The following ZNF614 variants were observed in gnomAD, a reference collection of about 807,000 sequenced individuals.
ZNF614 encodes the protein zinc finger protein 614.
In ZNF614, 11 loss-of-function variants were observed where a neutral mutation model predicts 12.8. That is an observed-to-expected ratio of 0.86 (90% CI 0.54 to 1.43). ZNF614 has a LOEUF of 1.43. Ranked by LOEUF, ZNF614 falls within the 40% of genes most tolerant of loss-of-function variation. The probability of loss-of-function intolerance (pLI) is 0.00; values close to 1 mark genes in which losing one functional copy is unlikely to be tolerated. For synonymous variants in ZNF614, 237 were observed against 237.5 expected, an observed-to-expected ratio of 1.00 and a Z score of 0.02; for missense variants, 664 against 708.8, an observed-to-expected ratio of 0.94 and a Z score of 0.72.
chr19:52,017,444 C>T (rs2086906590), intron 4 of ZNF614, 85 bp from the exon 5 acceptor site: 1 of 1,311,592 alleles, frequency 7.6e-7, no homozygotes. Context: ...TGGCTCATGC[C>T]TGCAATCCCA....
chr19:52,024,613 C>CCCTAACCCTGTGCT (rs1337588234), intron 2 of ZNF614, among the ~76,000 whole-genome samples: 3 of 152,172 alleles, frequency 2.0e-5, no homozygotes, highest in Non-Finnish European at 4.4e-5. Context: ...GTAACCGTAG[C>CCCTAACCCTGTGCT]CCTAACCCTG....
rs2086891934 is a variant in ZNF614, at chr19:52,015,764, T to C, written c.*76A>G. 3 of 1,339,616 alleles carry C rather than the reference T, an allele frequency of 2.2e-6. No homozygotes were observed. The highest frequency in any genetic ancestry group is 3.1e-6 in the Non-Finnish European group (3 of 971,496). 83.0% of individuals were successfully genotyped at this position (1,339,616 alleles called of 1,614,324 possible). ...TTCCAATTGGCTAGAAACACACTGA[T>C]GTTTAATGAAGTCTGAGTTGCCACA... On this transcript the variant is annotated 3_prime_UTR_variant, in exon 5 of 5. Transcript: ENST00000270649.
intron 4 of ZNF614, 176 bp downstream of exon 4, chr19:52,017,832 C>A (rs1207867990): frequency 1.8e-5 from 9 of 506,314 alleles, no homozygotes; most frequent in Middle Eastern, 5.1e-4. Context: ...AAATCAGATC[C>A]AAGAAAAGAC....
Position 52,022,295 on chromosome 19 carries a change from G to A in ZNF614, c.15+3436C>T, listed in dbSNP as rs943100096. Among the ~76,000 whole-genome samples, 5 of 151,362 alleles carry A rather than the reference G, an allele frequency of 3.3e-5. No homozygotes were observed. In the East Asian group the frequency reaches 5.9e-4, roughly 18 times the overall value. ...TGCCTCCTCTTGAGTTCCTCTGCCC[G>A]GCCGCCCCACTGTCTGGGAAGTGAG... is the stretch of plus-strand genomic sequence containing the variant. On this transcript the variant is annotated intron_variant, in intron 2 of 4. Transcript: ENST00000270649.
chr19:52,015,240 C>T lies in ZNF614; in HGVS notation c.*600G>A, dbSNP rs576911532. 6 of 152,396 alleles carry T rather than the reference C, an allele frequency of 3.9e-5. No homozygotes were observed. The highest frequency in any genetic ancestry group is 1.9e-4 in the East Asian group (1 of 5,180). 9.4% of individuals were successfully genotyped at this position (152,396 alleles called of 1,614,324 possible). ...AAGGTGTTCCACATTTATTTGATAGCATGTTCGGAACAATTTTACTTTCTA... is the reference window on the plus strand; with the variant it reads ...AAGGTGTTCCACATTTATTTGATAGTATGTTCGGAACAATTTTACTTTCTA... On this transcript the variant is annotated 3_prime_UTR_variant, in exon 5 of 5. Transcript: ENST00000270649.
Position 52,015,795 on chromosome 19 carries a change from C to A in ZNF614, c.*45G>T. 6.5e-7 allele frequency: 1 copy of A among 1,529,162 alleles called. No individual in the cohort carries two copies. Among genetic ancestry groups the A allele is most frequent in the Non-Finnish European group, 8.8e-7 (1 of 1,136,206 alleles). The allele number at this position is 1,529,162 out of a possible 1,614,324, so 94.7% of individuals were successfully genotyped here. On this transcript the variant is annotated 3_prime_UTR_variant, in exon 5 of 5. Transcript: ENST00000270649. ...ATGAAGTCTGAGTTGCCACAAAAGG[C>A]ATTTCCATAGTCACGGCACTAGTAG...
intron 2 of ZNF614, among the ~76,000 whole-genome samples, chr19:52,024,831 C>A (rs781569772): frequency 5.1e-4 from 78 of 152,310 alleles, no homozygotes; most frequent in Middle Eastern, 3.4e-3. Context: ...AAGGTTTCTT[C>A]CCAAGTGATA....
chr19:52,018,607 C>T (rs2086915732), intron 2 of ZNF614, 113 bp from the exon 3 acceptor site: 3 of 1,165,140 alleles, frequency 2.6e-6, no homozygotes, highest in South Asian at 3.5e-5. Flanking sequence ...ATTCCTTTCT[C>T]AAATATACTT....
intron 2 of ZNF614, among the ~76,000 whole-genome samples, chr19:52,019,979 ATG>A (rs2086923658): frequency 6.6e-6 from 1 of 152,246 alleles, no homozygotes; most frequent in African/African-American, 2.4e-5. Flanking sequence ...CAAAATCTTT[ATG>A]TGAGATGTCT....
At chr19:52,020,463 C>A (rs2086926349) in intron 2 of ZNF614, among the ~76,000 whole-genome samples, 1 of 152,224 alleles carries the variant, frequency 6.6e-6, no homozygotes, top group African/African-American at 2.4e-5. Flanking sequence ...CTCATGGAAT[C>A]CTTGGTGGCA....
At chr19:52,023,357 C>T (rs1444775767) in intron 2 of ZNF614, among the ~76,000 whole-genome samples, 1 of 151,838 alleles carries the variant, frequency 6.6e-6, no homozygotes, top group African/African-American at 2.4e-5. Flanking sequence ...TTAGTAGAGA[C>T]GGGCTTTCAC....
At chr19:52,017,724 C>G in intron 4 of ZNF614, 2 of 344,914 alleles carry the variant, frequency 5.8e-6, no homozygotes, top group Non-Finnish European at 5.2e-6. Context: ...AAAATCTTAG[C>G]TTATGAGATG....
chr19:52,023,815 G>T (rs1825537533), intron 2 of ZNF614, among the ~76,000 whole-genome samples: 1 of 152,116 alleles, frequency 6.6e-6, no homozygotes, highest in Admixed American at 6.5e-5. Flanking sequence ...CTATTGAGAT[G>T]ACTGGTGCCT....
Position 52,017,087 on chromosome 19 carries a change from C to A in ZNF614, c.511G>T (p.Glu171Ter). ...GEKTLLHGKH[E>*]RTHTKTRFSE... Reference sequence around the variant, plus strand: ...AATCTAGTTTTAGTATGCGTACGTTCATGCTTACCATGTAGAAGTGTTTTC... The same window carrying A: ...AATCTAGTTTTAGTATGCGTACGTTAATGCTTACCATGTAGAAGTGTTTTC... The change falls in exon 5 of 5, where the codon GAA (glutamate) becomes TAA (stop). Residue 171 changes from glutamate (E) to a stop codon, truncating the protein, a stop_gained. Transcript: ENST00000270649. LOFTEE classifies it low-confidence loss of function (END_TRUNC). 2 of 1,614,170 alleles carry A rather than the reference C, an allele frequency of 1.2e-6. No individual in the cohort carries two copies. Among genetic ancestry groups the A allele is most frequent in the Non-Finnish European group, 1.7e-6 (2 of 1,180,034 alleles).
chr19:52,024,495 AAG>A (rs780409286), intron 2 of ZNF614, among the ~76,000 whole-genome samples: 1 of 152,148 alleles, frequency 6.6e-6, no homozygotes, highest in African/African-American at 2.4e-5. Context: ...GGGGAAAAGA[AAG>A]AGAGATCAGA....
chr19:52,028,118 G>A (rs1332232887), intron 1 of ZNF614, 124 bp downstream of exon 1: 1 of 152,434 alleles, frequency 6.6e-6, no homozygotes, highest in African/African-American at 2.4e-5. Flanking sequence ...ACAGCCAAAG[G>A]ACCCGTCATT....
intron 2 of ZNF614, among the ~76,000 whole-genome samples, chr19:52,020,106 C>A (rs2086924544): frequency 6.6e-6 from 1 of 152,186 alleles, no homozygotes; most frequent in Admixed American, 6.5e-5. Context: ...TAATCTCATT[C>A]TCTAGCTGCA....
chr19:52,024,899 G>A lies in ZNF614; in HGVS notation c.15+832C>T, dbSNP rs977753920. ...CCTGACCGTCCCCCAGCATGACACC[G>A]GGGGATACCCGTAAAGGGTCTGTGC... is the stretch of plus-strand genomic sequence containing the variant. On this transcript the variant is annotated intron_variant, in intron 2 of 4. Transcript: ENST00000270649. 7.9e-5 allele frequency among the ~76,000 whole-genome samples: 12 copies of A among 152,256 alleles called. No individual in the cohort carries two copies. The South Asian group carries it at 1.0e-3, about 13-fold the overall frequency.
rs755450692 is a variant in ZNF614, at chr19:52,016,411, TCTC to T, written c.1184_1186del (p.Gly395del). On this transcript the variant is annotated inframe_deletion, in exon 5 of 5. Coordinates refer to ENST00000270649, the MANE Select transcript of ZNF614 (RefSeq NM_025040.4). ...ACATTCGCTGCATATGTAAGATTTT[TCTC>T]CTGTGTGGGAGCGCTGATGTACAAT... 3 of 1,614,204 alleles carry T rather than the reference TCTC, an allele frequency of 1.9e-6. No individual in the cohort carries two copies. In the South Asian group the frequency reaches 3.3e-5, roughly 18 times the overall value.
Sources: allele counts gnomAD v4.1 joint callset (sites outside exome capture counted in the v4.1 genomes callset), GRCh38; gene constraint gnomAD v4.1.1; transcripts MANE v1.5; gene names NCBI Gene and HGNC (gene_info 2026-07-23, HGNC 2026-07-21).